NAE1: variants seen among roughly 807,000 people sequenced by gnomAD.
NAE1 encodes NEDD8-activating enzyme E1 regulatory subunit.
A neutral mutation model predicts 88.0 loss-of-function variants in NAE1; 59 were observed. That is an observed-to-expected ratio of 0.67 (90% CI 0.54 to 0.83). The LOEUF (loss-of-function observed/expected upper bound fraction) is 0.83, where lower values mean the gene tolerates loss of function less well. Ranked by LOEUF, NAE1 falls within the 40% of genes least tolerant of loss-of-function variation. The probability of loss-of-function intolerance (pLI) is 0.00; values close to 1 mark genes in which losing one functional copy is unlikely to be tolerated. For synonymous variants in NAE1, 186 were observed against 208.9 expected (o/e 0.89, Z 0.95); for missense variants, 554 against 632.8 (o/e 0.88, Z 1.34).
intron 7 of NAE1, among the ~76,000 whole-genome samples, chr16:66,819,433 G>C (rs1178570933): frequency 6.6e-6 from 1 of 152,212 alleles, no homozygotes; most frequent in African/African-American, 2.4e-5. Context: ...TGAGTGCTTA[G>C]AGGTAGGCCC....
In NAE1 at chr16:66,816,649, C is replaced by G; in HGVS notation, c.772G>C (p.Ala258Pro). The G allele has an allele frequency of 6.2e-7, 1 of 1,611,512 alleles. No individual in the cohort carries two copies. The highest frequency in any genetic ancestry group is 1.7e-5 in the Admixed American group (1 of 59,870). Residue 258 changes from alanine (A) to proline (P), a missense_variant, in exon 11 of 20, where the codon GCT becomes CCT. Coordinates refer to ENST00000290810, the MANE Select transcript of NAE1 (RefSeq NM_003905.4). ...RQGILKNENGAPEDEENFEEA... is the reference protein window; with the variant it reads ...RQGILKNENGPPEDEENFEEA... ...TCAAAATTCTCTTCATCTTCTGGAG[C>G]CCCATTTTCATTTTTTAGAATTCCT...
chr16:66,819,303 C>T (rs1284594365), intron 7 of NAE1, among the ~76,000 whole-genome samples: 1 of 152,128 alleles, frequency 6.6e-6, no homozygotes, highest in African/African-American at 2.4e-5. Flanking sequence ...CTCCAGAAAC[C>T]TGATGGGCAT....
chr16:66,810,876 G>A, intron 13 of NAE1, 104 bp from the exon 14 acceptor site: 3 of 907,828 alleles, frequency 3.3e-6, no homozygotes, highest in Non-Finnish European at 5.2e-6. Flanking sequence ...AAAAACACAG[G>A]TCTGACAATG....
chr16:66,828,044 G>C, intron 1 of NAE1: 2 of 1,613,774 alleles, frequency 1.2e-6, no homozygotes, highest in Non-Finnish European at 1.7e-6. Flanking sequence ...CTCCATAAGG[G>C]CCCAGACAGC....
At chr16:66,809,880 A>G (rs968126318) in intron 15 of NAE1, among the ~76,000 whole-genome samples, 3 of 152,216 alleles carry the variant, frequency 2.0e-5, no homozygotes, top group Non-Finnish European at 2.9e-5. Flanking sequence ...CTTAAATAAA[A>G]GAAAATGCTT....
chr16:66,805,690 T>C, intron 19 of NAE1, 87 bp downstream of exon 19: 1 of 1,135,440 alleles, frequency 8.8e-7, no homozygotes, highest in South Asian at 3.2e-5. Context: ...ACCTCCCTAA[T>C]TAAAATAGCT....
At chr16:66,808,474 T>C (rs1358610070) in intron 17 of NAE1, 47 bp downstream of exon 17, 2 of 1,243,432 alleles carry the variant, frequency 1.6e-6, no homozygotes, top group African/African-American at 3.1e-5. Flanking sequence ...ATTTAAATGT[T>C]TTATTGAAGA....
chr16:66,824,731 A>C, intron 4 of NAE1, 124 bp downstream of exon 4: 1 of 864,364 alleles, frequency 1.2e-6, no homozygotes, highest in Non-Finnish European at 1.7e-6. Flanking sequence ...ACAAGATTAC[A>C]AAAATTAGTT....
At position 66,823,500 on chromosome 16, in the gene NAE1, C is replaced by A. The variant is rs363211; in HGVS notation, c.321+29G>T. On this transcript the variant is annotated intron_variant, in intron 5 of 19. Transcript: ENST00000290810. The stretch of plus-strand genomic sequence containing the variant: ...TTATTTAAAAAATTGTATTTCAGCA[C>A]AGACATAATAATGTGTGTACATATA... 4,917 of 1,562,342 alleles carry A rather than the reference C, an allele frequency of 3.1e-3. 9 individuals are homozygous for A. The highest frequency in any genetic ancestry group is 4.1e-3 in the Non-Finnish European group (4,653 of 1,143,932).
At chr16:66,813,922 C>G (rs1959929489) in intron 11 of NAE1, 76 bp from the exon 12 acceptor site, 5 of 1,325,632 alleles carry the variant, frequency 3.8e-6, no homozygotes, top group Non-Finnish European at 5.3e-6. Context: ...GCTATTTCTT[C>G]AGATATGTTC....
chr16:66,815,818 T>C (rs1265112500), intron 11 of NAE1, among the ~76,000 whole-genome samples: 1 of 151,690 alleles, frequency 6.6e-6, no homozygotes, highest in East Asian at 2.0e-4. Context: ...CCCACCACCA[T>C]GCCCAGCTAA....
chr16:66,810,324 T>C, intron 15 of NAE1, 50 bp downstream of exon 15: 1 of 1,424,282 alleles, frequency 7.0e-7, no homozygotes, highest in African/African-American at 1.4e-5. Flanking sequence ...ACATTCCCTG[T>C]GGCACATTTC....
chr16:66,816,534 T>C (rs758796257), intron 11 of NAE1, 47 bp downstream of exon 11: 3 of 1,327,728 alleles, frequency 2.3e-6, no homozygotes, highest in Non-Finnish European at 3.2e-6. Context: ...CCAAGGACTC[T>C]AGAAAACATC....
chr16:66,812,624 TC>T lies in NAE1; in HGVS notation c.1034+939del, dbSNP rs542501350. Among the ~76,000 whole-genome samples the T allele has an allele frequency of 1.1e-4, 16 of 151,050 alleles. No individual in the cohort carries two copies. The South Asian group carries it at 2.7e-3, about 26-fold the overall frequency. ...CCTCCGTCTCCTGGGTTCAAGCGAT[TC>T]CCCTGCCTCAGCCTCCCGAATAGCT... On this transcript the variant is annotated intron_variant, in intron 13 of 19. Transcript: ENST00000290810.
At chr16:66,803,561 CCT>C (rs1171095546) in intron 19 of NAE1, among the ~76,000 whole-genome samples, 8 of 151,846 alleles carry the variant, frequency 5.3e-5, no homozygotes, top group Non-Finnish European at 1.0e-4. Context: ...CCTGAAGATT[CCT>C]CTTTCCCAAA....
chr16:66,814,465 T>A (rs1959952366), intron 11 of NAE1, among the ~76,000 whole-genome samples: 1 of 151,688 alleles, frequency 6.6e-6, no homozygotes, highest in South Asian at 2.1e-4. Flanking sequence ...TGGTGGCACG[T>A]GCCTGTGGTC....
intron 1 of NAE1, chr16:66,828,223 G>C (rs1485439827): frequency 1.7e-6 from 1 of 593,232 alleles, no homozygotes; most frequent in Non-Finnish European, 2.9e-6. Context: ...GGGCGCAGTG[G>C]CTCACGCCTG....
chr16:66,827,183 TAG>T (rs1960492486), intron 1 of NAE1, among the ~76,000 whole-genome samples: 1 of 151,768 alleles, frequency 6.6e-6, no homozygotes, highest in African/African-American at 2.4e-5. Flanking sequence ...GGCTGGAGTG[TAG>T]TGGCATGATC....
chr16:66,824,823 C>A (rs771212961), intron 4 of NAE1, 32 bp downstream of exon 4: 1 of 1,582,446 alleles, frequency 6.3e-7, no homozygotes, highest in East Asian at 2.3e-5. Context: ...TCATTAGATG[C>A]TCACATCCAA....
Sources: allele counts gnomAD v4.1 joint callset (sites outside exome capture counted in the v4.1 genomes callset), GRCh38; gene constraint gnomAD v4.1.1; transcripts MANE v1.5; gene names NCBI Gene and HGNC (gene_info 2026-07-23, HGNC 2026-07-21).